The following EXOC4 variants were observed in gnomAD, a reference collection of about 807,000 sequenced individuals.
EXOC4 encodes the protein SEC8-like 1.
EXOC4 carries 71 observed loss-of-function variants against 107.2 expected under a neutral mutation model. That is an observed-to-expected ratio of 0.66 (90% CI 0.55 to 0.81). The LOEUF (loss-of-function observed/expected upper bound fraction) is 0.81. EXOC4 is among the 30% of genes least tolerant of loss of function. EXOC4 has a pLI of 0.00. For synonymous variants in EXOC4, 456 were observed against 441.2 expected (o/e 1.03, Z -0.42); for missense variants, 1,108 against 1,189.6 (o/e 0.93, Z 1.01).
chr7:133,324,893 C>T (rs1795201433), intron 5 of EXOC4, among the ~76,000 whole-genome samples: 1 of 152,114 alleles, frequency 6.6e-6, no homozygotes, highest in African/African-American at 2.4e-5. Context: ...TCTGGGTGCT[C>T]CTGTATTGGG....
intron 14 of EXOC4, among the ~76,000 whole-genome samples, chr7:133,954,666 G>A (rs372309881): frequency 9.2e-5 from 14 of 152,202 alleles, no homozygotes; most frequent in African/African-American, 2.2e-4. Flanking sequence ...GCCTTTGCCC[G>A]AGTTTTGCTC....
intron 11 of EXOC4, among the ~76,000 whole-genome samples, chr7:133,889,401 TTTA>T (rs1563044813): frequency 1.3e-5 from 2 of 151,040 alleles, no homozygotes; most frequent in Admixed American, 6.6e-5. Context: ...ACAGAGCTAT[TTTA>T]TTATTATTAC....
rs550662625 is a variant in EXOC4, at chr7:134,024,436, G to C, written c.2687+16601G>C. On this transcript the variant is annotated intron_variant, in intron 17 of 17. Coordinates refer to ENST00000253861, the MANE Select transcript of EXOC4 (RefSeq NM_021807.4). ...ACTGCACTCTAGCCTGGGTTACAGA[G>C]TGAGACTCCATCTCAAAAAAAAAAA... is the stretch of plus-strand genomic sequence containing the variant. Among the ~76,000 whole-genome samples, 14 of 146,022 alleles carry C rather than the reference G, an allele frequency of 9.6e-5. 1 individual carries two copies. In the South Asian group the frequency reaches 2.5e-3, roughly 26 times the overall value.
chr7:133,705,360 C>G (rs1373046560), intron 10 of EXOC4, among the ~76,000 whole-genome samples: 6 of 152,016 alleles, frequency 3.9e-5, no homozygotes, highest in Non-Finnish European at 8.8e-5. Flanking sequence ...GAGGAAGACT[C>G]CATCTCAAAA....
At position 133,997,644 on chromosome 7, in the gene EXOC4, G is replaced by A; in HGVS notation, c.2348+11G>A. The A allele has an allele frequency of 1.2e-6, 2 of 1,611,512 alleles. No homozygotes were observed. Among genetic ancestry groups the A allele is most frequent in the South Asian group, 2.2e-5 (2 of 90,636 alleles). ...ACATCTGGAAGTGAGGTATGATACA[G>A]CCAAGCCCAGGACCTTGCAATTTGA... On this transcript the variant is annotated intron_variant, in intron 15 of 17. Transcript: ENST00000253861.
At chr7:133,917,346 G>GT (rs1476576975) in intron 12 of EXOC4, among the ~76,000 whole-genome samples, 3 of 152,138 alleles carry the variant, frequency 2.0e-5, no homozygotes, top group African/African-American at 4.8e-5. Context: ...GAGCTAATTA[G>GT]TTTTTTCAAC....
chr7:133,583,423 C>A (rs949682830), intron 9 of EXOC4, among the ~76,000 whole-genome samples: 1 of 152,078 alleles, frequency 6.6e-6, no homozygotes, highest in Non-Finnish European at 1.5e-5. Flanking sequence ...TGGTGGCACC[C>A]CAGGGACTGA....
chr7:133,781,581 G>C (rs1796468063), intron 10 of EXOC4, among the ~76,000 whole-genome samples: 1 of 152,220 alleles, frequency 6.6e-6, no homozygotes, highest in Non-Finnish European at 1.5e-5. Context: ...TAGTAATTCT[G>C]TCAGTGTCAG....
chr7:133,474,561 C>T (rs1196051246), intron 7 of EXOC4, among the ~76,000 whole-genome samples: 1 of 151,488 alleles, frequency 6.6e-6, no homozygotes, highest in African/African-American at 2.4e-5. Context: ...GATCCTCCTA[C>T]CTCAGCCTCC....
chr7:133,747,058 A>C (rs1381095808), intron 10 of EXOC4, among the ~76,000 whole-genome samples: 2 of 152,192 alleles, frequency 1.3e-5, no homozygotes, highest in Admixed American at 1.3e-4. Context: ...AGGTCCAGAC[A>C]AAAGGTATGT....
the EXOC4 span, among the ~76,000 whole-genome samples, chr7:134,081,338 A>G: frequency 6.6e-6 from 1 of 152,108 alleles, no homozygotes; most frequent in Non-Finnish European, 1.5e-5. Context: ...TGACAGAGCA[A>G]GACTCCGCCT....
At chr7:133,611,898 G>T (rs1288470615) in intron 9 of EXOC4, among the ~76,000 whole-genome samples, 5 of 152,034 alleles carry the variant, frequency 3.3e-5, no homozygotes, top group African/African-American at 9.7e-5. Flanking sequence ...ATATTTATTT[G>T]CACTATTGCT....
chr7:133,528,177 T>G (rs1800115896), intron 9 of EXOC4, among the ~76,000 whole-genome samples: 2 of 152,188 alleles, frequency 1.3e-5, no homozygotes, highest in African/African-American at 4.8e-5. Flanking sequence ...TGTGACATGA[T>G]AGAACACCTC....
rs574634816 is a variant in EXOC4, at chr7:133,701,087, T to G, written c.1514+70946T>G. Among the ~76,000 whole-genome samples the G allele has an allele frequency of 5.9e-5, 9 of 152,356 alleles. No homozygotes were observed. In the East Asian group the frequency reaches 9.6e-4, roughly 16 times the overall value. ...TACGTATGTTAATGAAAATAAACAT[T>G]ACTTTGAACTTGCAAGTGGTATTCC... is the stretch of plus-strand genomic sequence containing the variant. On this transcript the variant is annotated intron_variant, in intron 10 of 17. Transcript: ENST00000253861.
At chr7:133,742,076 C>T (rs1289629627) in intron 10 of EXOC4, among the ~76,000 whole-genome samples, 2 of 152,190 alleles carry the variant, frequency 1.3e-5, no homozygotes, top group Admixed American at 1.3e-4. Flanking sequence ...ACTACTTCTG[C>T]GGCTGCTTCT....
chr7:133,703,344 A>G (rs914611152), intron 10 of EXOC4, among the ~76,000 whole-genome samples: 1 of 152,196 alleles, frequency 6.6e-6, no homozygotes, highest in Non-Finnish European at 1.5e-5. Context: ...TTTTATATTC[A>G]CTCTACATTG....
chr7:134,099,336 G>C, the EXOC4 span, among the ~76,000 whole-genome samples: 1 of 151,776 alleles, frequency 6.6e-6, no homozygotes. Flanking sequence ...ATAAAACCTA[G>C]AAAGGCCACT....
At chr7:133,299,940 C>T (rs1794606660) in intron 3 of EXOC4, among the ~76,000 whole-genome samples, 2 of 152,144 alleles carry the variant, frequency 1.3e-5, no homozygotes, top group Admixed American at 1.3e-4. Flanking sequence ...TTGCTGTTAG[C>T]TCAACTAATA....
At chr7:133,620,657 C>G (rs1802308067) in intron 9 of EXOC4, among the ~76,000 whole-genome samples, 1 of 152,096 alleles carries the variant, frequency 6.6e-6, no homozygotes, top group African/African-American at 2.4e-5. Flanking sequence ...CCTGCTACAC[C>G]ACTGATGAAC....
Sources: allele counts gnomAD v4.1 joint callset (sites outside exome capture counted in the v4.1 genomes callset), GRCh38; gene constraint gnomAD v4.1.1; transcripts MANE v1.5; gene names NCBI Gene and HGNC (gene_info 2026-07-23, HGNC 2026-07-21).